The following CATIP variants were observed in gnomAD, a reference collection of about 807,000 sequenced individuals.
CATIP encodes ciliogenesis associated TTC17 interacting protein, also known as ciliogenesis-associated TTC17-interacting protein.
Under a neutral mutation model 42.5 loss-of-function variants are expected in CATIP, and 40 were observed. The observed-to-expected ratio is 0.94, with a 90% confidence interval of 0.73 to 1.22. The LOEUF (loss-of-function observed/expected upper bound fraction) is 1.22. Ranked by LOEUF, CATIP falls within the 50% of genes most tolerant of loss-of-function variation. The pLI is 0.00. For synonymous variants in CATIP, 222 were observed against 200.2 expected, an observed-to-expected ratio of 1.11 and a Z score of -0.92; for missense variants, 489 against 496.0, an observed-to-expected ratio of 0.99 and a Z score of 0.13.
rs147403100 is a variant in CATIP at position 218,357,732 on chromosome 2, T to A, written c.317T>A (p.Leu106Gln). 2 of 1,612,548 alleles carry A rather than the reference T, an allele frequency of 1.2e-6. No individual in the cohort carries two copies. Among genetic ancestry groups the A allele is most frequent in the Admixed American group, 1.7e-5 (1 of 59,980 alleles). ...LDKMLCGNSL[L>Q]GYLSEKLELM... ...AAAATGCTCTGCGGAAATTCCCTCC[T>A]GGGTAGCGTTCCTACTGCCTGATGC... Residue 106 changes from leucine to glutamine, a missense_variant and splice_region_variant, in exon 3 of 10, where the codon CTG (leucine) becomes CAG (glutamine). Transcript: ENST00000289388.
intron 3 of CATIP, 91 bp from the exon 4 acceptor site, chr2:218,357,946 C>A: frequency 7.9e-7 from 1 of 1,270,742 alleles, no homozygotes; most frequent in Admixed American, 1.7e-5. Flanking sequence ...CCGTATTACA[C>A]CTAGTCCTCC....
intron 5 of CATIP, among the ~76,000 whole-genome samples, chr2:218,360,872 A>C (rs1695210244): frequency 6.8e-6 from 1 of 146,830 alleles, no homozygotes; most frequent in Admixed American, 6.8e-5. Context: ...CATTTGTTGC[A>C]GAGGCTGGAG....
At chr2:218,365,195 A>G (rs977837792) in intron 7 of CATIP, among the ~76,000 whole-genome samples, 2 of 152,092 alleles carry the variant, frequency 1.3e-5, no homozygotes, top group Non-Finnish European at 1.5e-5. Context: ...CGGGCGGATC[A>G]TGAGGTCAGG....
Position 218,367,945 on chromosome 2 carries a change from C to G in CATIP, c.1145C>G (p.Ala382Gly), listed in dbSNP as rs1341523498. ...CGCTCCCTGGAGCCGGAGGGAGACG[C>G]CCGCTCGGGGGCGGCCTAAGCGGGG... ...PFRSLEPEGD[A>G]RSGAA is the part of the protein sequence containing the mutation. The change falls in exon 10 of 10, where the codon GCC becomes GGC. Residue 382 changes from alanine to glycine, a missense_variant. Coordinates refer to ENST00000289388, the MANE Select transcript of CATIP (RefSeq NM_198559.2). 6.3e-7 allele frequency: 1 copy of G among 1,595,096 alleles called. No individual in the cohort carries two copies. Among genetic ancestry groups the G allele is most frequent in the South Asian group, 1.1e-5 (1 of 89,478 alleles).
chr2:218,360,784 A>C, intron 5 of CATIP, 125 bp downstream of exon 5: 13 of 635,034 alleles, frequency 2.0e-5, no homozygotes, highest in East Asian at 1.2e-4. Flanking sequence ...ACACAGCCTC[A>C]GGAGGTCCTG....
chr2:218,367,930 A>G lies in CATIP; in HGVS notation c.1130A>G (p.Glu377Gly). ...SHRPNPFRSL[E>G]PEGDARSGAA ...CGGCCCAACCCTTTCCGCTCCCTGG[A>G]GCCGGAGGGAGACGCCCGCTCGGGG... The change falls in exon 10 of 10, where the codon GAG becomes GGG. Residue 377 changes from glutamate to glycine, a missense_variant. Transcript: ENST00000289388. The G allele has an allele frequency of 6.2e-7, 1 of 1,605,572 alleles. No homozygotes were observed. The highest frequency in any genetic ancestry group is 8.5e-7 in the Non-Finnish European group (1 of 1,177,892).
intron 8 of CATIP, 128 bp downstream of exon 8, chr2:218,367,228 G>A (rs1160595244): frequency 1.3e-6 from 1 of 798,284 alleles, no homozygotes; most frequent in African/African-American, 1.7e-5. Context: ...ATCAGCTGGA[G>A]AACATCTGCC....
chr2:218,360,559 G>C lies in CATIP; in HGVS notation c.376-14G>C, dbSNP rs752830955. On this transcript the variant is annotated splice_polypyrimidine_tract_variant and intron_variant, in intron 4 of 9. Coordinates refer to ENST00000289388, the MANE Select transcript of CATIP (RefSeq NM_198559.2). ...GGGAGTCCCTGATCCTCCCCCGCAT[G>C]CTCTGGCCCTCAGTTCCTCATCCTC... 7.5e-6 allele frequency: 12 copies of C among 1,609,948 alleles called. No individual in the cohort carries two copies. In the Admixed American group the frequency reaches 2.0e-4, roughly 27 times the overall value.
chr2:218,367,329 G>C (rs530100289), intron 8 of CATIP, 101 bp from the exon 9 acceptor site: 2 of 1,148,888 alleles, frequency 1.7e-6, no homozygotes, highest in East Asian at 4.7e-5. Context: ...GAATCCTGGG[G>C]TTTCACCTGA....
At chr2:218,362,976 G>C in intron 6 of CATIP, 74 bp downstream of exon 6, 1 of 1,440,176 alleles carries the variant, frequency 6.9e-7, no homozygotes, top group Non-Finnish European at 9.4e-7. Context: ...CTGAGATGGG[G>C]AACAGCTGTG....
chr2:218,357,441 G>A (rs895224395), intron 2 of CATIP, 93 bp from the exon 3 acceptor site: 4 of 1,056,718 alleles, frequency 3.8e-6, no homozygotes, highest in Admixed American at 4.0e-5. Context: ...GGCAGGTGGG[G>A]ACTGTGGGGA....
intron 5 of CATIP, 31 bp downstream of exon 5, chr2:218,360,690 T>G (rs113950735): frequency 9.9e-6 from 15 of 1,521,230 alleles, no homozygotes; most frequent in African/African-American, 5.5e-5. Flanking sequence ...GGAGTTGCAC[T>G]ACACACTGTG....
chr2:218,365,599 C>T (rs1682675441), intron 7 of CATIP: 1 of 152,044 alleles, frequency 6.6e-6, no homozygotes, highest in African/African-American at 2.4e-5. Flanking sequence ...TATCTCATAA[C>T]TTAGTATGTT....
chr2:218,361,706 A>T (rs1027979110), intron 5 of CATIP, among the ~76,000 whole-genome samples: 5 of 152,106 alleles, frequency 3.3e-5, no homozygotes, highest in African/African-American at 1.2e-4. Flanking sequence ...TTTTTCTCTT[A>T]GTAGCTACCT....
chr2:218,360,451 G>C (rs781498821), intron 4 of CATIP, 122 bp from the exon 5 acceptor site: 1 of 735,704 alleles, frequency 1.4e-6, no homozygotes, highest in Admixed American at 2.5e-5. Flanking sequence ...TGCCCGGCCC[G>C]GCTGCTTTTT....
Position 218,367,920 on chromosome 2 carries a change from C to T in CATIP, c.1120C>T (p.Arg374Cys), listed in dbSNP as rs146925548. Reference protein sequence around the residue: ...LGSSHRPNPFRSLEPEGDARS... With the variant: ...LGSSHRPNPFCSLEPEGDARS... ...CTCCTCCCACCGGCCCAACCCTTTC[C>T]GCTCCCTGGAGCCGGAGGGAGACGC... Residue 374 changes from arginine (R) to cysteine (C), a missense_variant, in exon 10 of 10, where the codon CGC (arginine) becomes TGC (cysteine). Physicochemically the swap from Arg to Cys is radical, Grantham distance 180. Coordinates refer to ENST00000289388, the MANE Select transcript of CATIP (RefSeq NM_198559.2). The T allele has an allele frequency of 6.2e-7, 1 of 1,609,998 alleles. No homozygotes were observed. The highest frequency in any genetic ancestry group is 1.1e-5 in the South Asian group (1 of 90,834).
intron 4 of CATIP, among the ~76,000 whole-genome samples, chr2:218,359,535 G>C (rs1007938569): frequency 6.6e-6 from 1 of 152,018 alleles, no homozygotes; most frequent in African/African-American, 2.4e-5. Flanking sequence ...CCCAGGGAAG[G>C]CTAGGCTCTG....
chr2:218,365,222 G>A (rs1336059233), intron 7 of CATIP, among the ~76,000 whole-genome samples: 1 of 152,108 alleles, frequency 6.6e-6, no homozygotes, highest in Non-Finnish European at 1.5e-5. Flanking sequence ...AGACCATCCT[G>A]GCTGACACGG....
In CATIP at chr2:218,364,639, C is replaced by T; in HGVS notation, c.642C>T (p.Gly214=). ...TTGGCTGTTGCCAGCAAAACCTGGG[C>T]TTCCAGACCATCCAGGTAGACCATC... ...KLCYLTYQNL[G]FQTIQVDHQQ... Residue 214 remains glycine (G), a synonymous_variant, in exon 7 of 10, where the codon GGC becomes GGT. Coordinates refer to ENST00000289388, the MANE Select transcript of CATIP (RefSeq NM_198559.2). 5 of 1,613,898 alleles carry T rather than the reference C, an allele frequency of 3.1e-6. No individual in the cohort carries two copies. Among genetic ancestry groups the T allele is most frequent in the Non-Finnish European group, 4.2e-6 (5 of 1,179,854 alleles).
Sources: allele counts gnomAD v4.1 joint callset (sites outside exome capture counted in the v4.1 genomes callset), GRCh38; gene constraint gnomAD v4.1.1; transcripts MANE v1.5; gene names NCBI Gene and HGNC (gene_info 2026-07-23, HGNC 2026-07-21).